The following IL1RAPL1 variants were observed in gnomAD, a reference collection of about 807,000 sequenced individuals.
IL1RAPL1 encodes the protein interleukin-1 receptor accessory protein-like 1.
In IL1RAPL1, 3 loss-of-function variants were observed where a neutral mutation model predicts 48.4. The observed-to-expected ratio is 0.06, with a 90% confidence interval of 0.03 to 0.16. The LOEUF is 0.16. Among genes scored for constraint, IL1RAPL1 ranks in the 10% least tolerant of loss-of-function variants. The pLI, the probability that IL1RAPL1 is intolerant of heterozygous loss-of-function variation, is 1.00. For missense variants in IL1RAPL1, 349 were observed against 530.6 expected (o/e 0.66, Z 3.36); for synonymous variants, 185 against 187.7 (o/e 0.99, Z 0.12).
intron 6 of IL1RAPL1, among the ~76,000 whole-genome samples, chrX:29,688,729 T>TCTCTCTCTCTCC (rs1926694690): frequency 1.8e-5 from 1 of 55,961 alleles, no homozygotes; most frequent in African/African-American, 1.4e-4. Flanking sequence ...CAGGGTTGCT[T>TCTCTCTCTCTCC]CTCTCTCTCT....
chrX:29,198,662 G>A (rs778250823), intron 2 of IL1RAPL1, among the ~76,000 whole-genome samples: 1 of 111,341 alleles, frequency 9.0e-6, no homozygotes, highest in African/African-American at 3.3e-5. Flanking sequence ...TATTAAGCAG[G>A]CAATGGCAAT....
chrX:29,886,621 A>C (rs1932174168), intron 6 of IL1RAPL1, among the ~76,000 whole-genome samples: 1 of 112,488 alleles, frequency 8.9e-6, no homozygotes, highest in African/African-American at 3.2e-5. Flanking sequence ...TGACAATTGA[A>C]TATGTTAAAG....
intron 1 of IL1RAPL1, among the ~76,000 whole-genome samples, chrX:28,750,462 A>G (rs1269596199): frequency 9.0e-6 from 1 of 111,553 alleles, no homozygotes; most frequent in Non-Finnish European, 1.9e-5. Flanking sequence ...CATTTATAGT[A>G]TGAGATAACT....
chrX:29,185,682 G>T (rs1005458360), intron 2 of IL1RAPL1, among the ~76,000 whole-genome samples: 2 of 111,674 alleles, frequency 1.8e-5, no homozygotes, highest in African/African-American at 6.5e-5. Flanking sequence ...CTACAAACCT[G>T]GATGTCAAGG....
rs181873642 is a variant in IL1RAPL1, at chrX:28,789,638, A to C, written c.82+213A>C. Among the ~76,000 whole-genome samples the C allele has an allele frequency of 4.5e-5, 5 of 112,213 alleles. No homozygotes were observed. In the Admixed American group the frequency reaches 4.7e-4, roughly 11 times the overall value. On this transcript the variant is annotated intron_variant, in intron 2 of 10. Transcript: ENST00000378993. ...AAGAATGTGGCTTATTTTATCGATT[A>C]CTATGAATTGGCATGGATTCAATAG...
intron 6 of IL1RAPL1, among the ~76,000 whole-genome samples, chrX:29,693,791 C>A (rs1372587907): frequency 9.1e-6 from 1 of 109,962 alleles, no homozygotes; most frequent in East Asian, 2.8e-4. Context: ...ACACCTATAA[C>A]ATGGAAGTAG....
chrX:28,831,026 C>CTCTGTGTGTG (rs1438889606), intron 2 of IL1RAPL1, among the ~76,000 whole-genome samples: 46 of 33,643 alleles, frequency 1.4e-3, no homozygotes, highest in African/African-American at 3.3e-3. Flanking sequence ...CTCTCTCTCT[C>CTCTGTGTGTG]TGTGTGTGTG....
intron 2 of IL1RAPL1, among the ~76,000 whole-genome samples, chrX:28,876,496 G>C (rs1181335512): frequency 9.0e-6 from 1 of 111,511 alleles, no homozygotes; most frequent in Non-Finnish European, 1.9e-5. Flanking sequence ...AGCCATCAGA[G>C]CAAAGGTCCA....
rs139130930 is a variant in IL1RAPL1 at position 29,054,820 on chromosome X, C to T, written c.83-228118C>T. 8.0e-5 allele frequency among the ~76,000 whole-genome samples: 9 copies of T among 111,810 alleles called. No homozygotes were observed. In the East Asian group the frequency reaches 1.4e-3, roughly 17 times the overall value. Reference sequence around the variant, plus strand: ...TATTTTCTGTCTTTATCCATTACAACGTAAGTTCCATGAGAGCAGGAATGT... The same window carrying T: ...TATTTTCTGTCTTTATCCATTACAATGTAAGTTCCATGAGAGCAGGAATGT... On this transcript the variant is annotated intron_variant, in intron 2 of 10. Transcript: ENST00000378993.
intron 7 of IL1RAPL1, among the ~76,000 whole-genome samples, chrX:29,918,335 G>GT (rs1932819883): frequency 1.0e-5 from 1 of 95,423 alleles, no homozygotes; most frequent in Non-Finnish European, 2.1e-5. Flanking sequence ...GGTGAACCCC[G>GT]TCTCTACTGA....
intron 6 of IL1RAPL1, among the ~76,000 whole-genome samples, chrX:29,856,589 C>T (rs1931481519): frequency 8.9e-6 from 1 of 111,807 alleles, no homozygotes; most frequent in Non-Finnish European, 1.9e-5. Flanking sequence ...ATAAAAACAA[C>T]TTTCAGTTAT....
chrX:28,707,302 A>C, intron 1 of IL1RAPL1, among the ~76,000 whole-genome samples: 1 of 112,390 alleles, frequency 8.9e-6, no homozygotes, highest in Middle Eastern at 4.6e-3. Flanking sequence ...AATGGTAAAT[A>C]AATAGTTCAG....
At chrX:29,219,126 A>G (rs1930928748) in intron 2 of IL1RAPL1, among the ~76,000 whole-genome samples, 1 of 112,227 alleles carries the variant, frequency 8.9e-6, no homozygotes, top group Admixed American at 9.5e-5. Flanking sequence ...GAGTCAGAAC[A>G]TACATTATAA....
At chrX:28,769,586 A>T (rs1428921973) in intron 1 of IL1RAPL1, among the ~76,000 whole-genome samples, 1 of 112,265 alleles carries the variant, frequency 8.9e-6, no homozygotes, top group South Asian at 3.7e-4. Flanking sequence ...TTTTACTCTC[A>T]TCTACTTAAT....
intron 6 of IL1RAPL1, among the ~76,000 whole-genome samples, chrX:29,844,593 A>C (rs1294956500): frequency 1.8e-5 from 2 of 112,348 alleles, no homozygotes; most frequent in Non-Finnish European, 3.8e-5. Context: ...CAATAAAAAC[A>C]TACAAATAAA....
intron 5 of IL1RAPL1, among the ~76,000 whole-genome samples, chrX:29,641,703 A>G (rs1377547007): frequency 8.9e-6 from 1 of 112,659 alleles, no homozygotes; most frequent in Admixed American, 9.4e-5. Flanking sequence ...GCATCTGTGG[A>G]AAGTGCAAAC....
intron 1 of IL1RAPL1, among the ~76,000 whole-genome samples, chrX:28,590,182 G>T (rs181837444): frequency 9.0e-6 from 1 of 110,854 alleles, no homozygotes; most frequent in Admixed American, 9.7e-5. Flanking sequence ...CTCCTCAATA[G>T]ATCACATATT....
intron 3 of IL1RAPL1, among the ~76,000 whole-genome samples, chrX:29,294,004 T>C (rs1417094371): frequency 9.1e-6 from 1 of 109,375 alleles, no homozygotes; most frequent in Admixed American, 9.8e-5. Context: ...TTCCAGGCTC[T>C]TTCTAAATCT....
intron 9 of IL1RAPL1, among the ~76,000 whole-genome samples, chrX:29,949,064 T>C (rs1438022709): frequency 8.9e-6 from 1 of 111,735 alleles, no homozygotes; most frequent in African/African-American, 3.2e-5. Flanking sequence ...TCTAAAATAA[T>C]CCCGCAGATT....
Sources: gnomAD v4.1 joint callset for allele counts (sites outside exome capture counted in the v4.1 genomes callset) on GRCh38, gnomAD v4.1.1 for gene constraint, MANE v1.5 for transcripts, NCBI Gene and HGNC (gene_info 2026-07-23, HGNC 2026-07-21) for gene names.